Variants in SZT2 observed in about 807,000 individuals in gnomAD.
The protein encoded by SZT2 is KICSTOR complex protein SZT2.
A neutral mutation model predicts 404.2 loss-of-function variants in SZT2; 216 were observed. That is an observed-to-expected ratio of 0.53 (90% CI 0.48 to 0.60). The LOEUF (loss-of-function observed/expected upper bound fraction) is 0.60, where lower values mean the gene tolerates loss of function less well. Among genes scored for constraint, SZT2 ranks in the 20% least tolerant of loss-of-function variants. The pLI is 0.00. For synonymous variants in SZT2, 1,693 were observed against 1,749.9 expected (o/e 0.97, Z 0.81); for missense variants, 3,857 against 4,459.2 (o/e 0.86, Z 3.85).
chr1:43,411,542 G>T (rs1479250284), intron 4 of SZT2, among the ~76,000 whole-genome samples: 1 of 152,166 alleles, frequency 6.6e-6, no homozygotes, highest in Non-Finnish European at 1.5e-5. Flanking sequence ...CCTGGGAAGG[G>T]CTTTAGCCCC....
chr1:43,449,933 G>A (rs570576972), intron 70 of SZT2, 170 bp from the exon 71 acceptor site: 12 of 736,216 alleles, frequency 1.6e-5, no homozygotes, highest in East Asian at 8.1e-5. Context: ...GCAAGCCAGC[G>A]AGGATGAGGA....
intron 65 of SZT2, 108 bp downstream of exon 65, chr1:43,446,524 C>A: frequency 2.2e-6 from 3 of 1,358,978 alleles, no homozygotes; most frequent in Non-Finnish European, 3.1e-6. Context: ...GGCGGGCTGG[C>A]CCAGTGATTG....
intron 52 of SZT2, 130 bp downstream of exon 52, chr1:43,440,716 C>A: frequency 8.0e-7 from 1 of 1,246,704 alleles, no homozygotes; most frequent in Non-Finnish European, 1.1e-6. Context: ...CTGCTCTGTC[C>A]TGCCAGACAC....
intron 46 of SZT2, 145 bp downstream of exon 46, chr1:43,438,047 T>G: frequency 1.3e-6 from 1 of 792,320 alleles, no homozygotes; most frequent in Admixed American, 2.4e-5. Flanking sequence ...GAGCCATAAA[T>G]ACTAGCTGGA....
chr1:43,425,217 G>A lies in SZT2; in HGVS notation c.2645+10G>A, dbSNP rs370352475. On this transcript the variant is annotated intron_variant, in intron 18 of 71. Transcript: ENST00000634258. The surrounding 1 kb of genome is among the most constrained non-coding windows in gnomAD (Gnocchi z 4.3). The stretch of plus-strand genomic sequence containing the variant: ...CCTCCACCAAAGACAGGTGAGACAG[G>A]CCATCTGTGAGGGCCGCCTCTGCAG... 2 of 1,613,912 alleles carry A rather than the reference G, an allele frequency of 1.2e-6. No individual in the cohort carries two copies. Among genetic ancestry groups the A allele is most frequent in the Non-Finnish European group, 8.5e-7 (1 of 1,179,924 alleles).
intron 1 of SZT2, among the ~76,000 whole-genome samples, chr1:43,401,023 G>T (rs1300468457): frequency 2.6e-5 from 4 of 152,140 alleles, no homozygotes; most frequent in Non-Finnish European, 5.9e-5. Context: ...CTGGGCTCAG[G>T]TGATCTTCCC....
At position 43,404,389 on chromosome 1, in the gene SZT2, A is replaced by T. The variant is rs1650047029; in HGVS notation, c.337A>T (p.Thr113Ser). 6.2e-7 allele frequency: 1 copy of T among 1,612,926 alleles called. No individual in the cohort carries two copies. Among genetic ancestry groups the T allele is most frequent in the Admixed American group, 1.7e-5 (1 of 59,940 alleles). ...CTTTCTCTGCCCTCAGGATGATTCC[A>T]CAGGGGAGATCTTGTTTGATGAAGT... ...SPSTGIVDDS[T>S]GEILFDEVFH... The change falls in exon 4 of 72, where the codon ACA becomes TCA. Residue 113 changes from threonine to serine, a missense_variant. By Grantham distance (58) the Thr-to-Ser change is moderately conservative. Around this residue, in one of 7 missense-constraint regions of SZT2, gnomAD observed 536 missense variants for 637.4 expected, o/e 0.84. Transcript: ENST00000634258.
At chr1:43,419,245 G>T (rs995012402) in intron 7 of SZT2, among the ~76,000 whole-genome samples, 1 of 152,208 alleles carries the variant, frequency 6.6e-6, no homozygotes, top group Non-Finnish European at 1.5e-5. Context: ...GGCCCTCAGG[G>T]TATATGTAGT....
chr1:43,427,083 C>G lies in SZT2; in HGVS notation c.3337C>G (p.Pro1113Ala). 1.2e-6 allele frequency: 2 copies of G among 1,613,790 alleles called. No individual in the cohort carries two copies. Among genetic ancestry groups the G allele is most frequent in the Non-Finnish European group, 1.7e-6 (2 of 1,179,902 alleles). ...LSVGLPETLKPLISAQPPQWR... is the reference protein window; with the variant it reads ...LSVGLPETLKALISAQPPQWR... ...TGTAGGTCTTCCTGAAACTCTCAAGCCTCTCATCTCTGCCCAGCCCCCTCA... is the reference window on the plus strand; with the variant it reads ...TGTAGGTCTTCCTGAAACTCTCAAGGCTCTCATCTCTGCCCAGCCCCCTCA... The change falls in exon 24 of 72, where the codon CCT becomes GCT. Residue 1113 changes from proline to alanine, a missense_variant. Around this residue, in one of 7 missense-constraint regions of SZT2, gnomAD observed 1,725 missense variants for 1,881.0 expected, o/e 0.92. Transcript: ENST00000634258.
Position 43,426,261 on chromosome 1 carries a change from G to A in SZT2, c.3044-107G>A. 1.3e-6 allele frequency: 2 copies of A among 1,491,644 alleles called. No individual in the cohort carries two copies. The highest frequency in any genetic ancestry group is 1.8e-6 in the Non-Finnish European group (2 of 1,108,726). The allele number at this position is 1,491,644 out of a possible 1,614,324, so 92.4% of individuals were successfully genotyped here. A position where few individuals can be genotyped will look rare whatever the true frequency, so the allele number is the denominator to read the frequency against. Reference sequence around the variant, plus strand: ...GCAAGTGAGCAGATGAGTGGTGGGGGCAGGAGGAGCCCATGAGGCTGAAGG... The same window carrying A: ...GCAAGTGAGCAGATGAGTGGTGGGGACAGGAGGAGCCCATGAGGCTGAAGG... On this transcript the variant is annotated intron_variant, in intron 21 of 71. Transcript: ENST00000634258. This position sits in a 1 kb window ranked among gnomAD's most constrained non-coding sequence, Gnocchi z 4.9.
intron 14 of SZT2, 73 bp from the exon 15 acceptor site, chr1:43,423,026 T>G: frequency 6.6e-7 from 1 of 1,518,186 alleles, no homozygotes. Flanking sequence ...TGTGTCTCAC[T>G]TTGTCTGTGA....
rs1296772964 is a variant in SZT2 at position 43,420,817 on chromosome 1, A to G, written c.1330A>G (p.Met444Val). The G allele has an allele frequency of 5.6e-6, 9 of 1,598,330 alleles. No homozygotes were observed. Among genetic ancestry groups the G allele is most frequent in the Non-Finnish European group, 7.6e-6 (9 of 1,179,818 alleles). The change falls in exon 10 of 72, where the codon ATG (methionine) becomes GTG (valine). Residue 444 changes from methionine (M) to valine (V), a missense_variant. Met to Val is a conservative substitution (Grantham distance 21). This residue lies in a region of SZT2 where 536 missense variants were observed against 637.4 expected (regional missense o/e 0.84). Coordinates refer to ENST00000634258, the MANE Select transcript of SZT2 (RefSeq NM_001365999.1). The surrounding 1 kb of genome is among the most constrained non-coding windows in gnomAD (Gnocchi z 5.1). ...KHNMRIEYVA[M>V]APWPLEPEGP... is the part of the protein sequence containing the mutation. ...CAACATGCGCATTGAGTATGTGGCT[A>G]TGGCACCCTGGCCCCTGGAGCCTGA...
intron 1 of SZT2, among the ~76,000 whole-genome samples, chr1:43,392,377 A>C (rs1419085889): frequency 1.3e-5 from 2 of 151,978 alleles, no homozygotes; most frequent in Non-Finnish European, 2.9e-5. Flanking sequence ...TTTCAAGTCA[A>C]GACACACAAT....
chr1:43,433,984 A>T (rs1437536236), intron 40 of SZT2, among the ~76,000 whole-genome samples: 1 of 152,206 alleles, frequency 6.6e-6, no homozygotes, highest in Non-Finnish European at 1.5e-5. Flanking sequence ...GGATTCCTGC[A>T]TAGGCATCAG....
Position 43,448,802 on chromosome 1 carries a change from C to A in SZT2, c.10086+74C>A. On this transcript the variant is annotated intron_variant, in intron 70 of 71. Coordinates refer to ENST00000634258, the MANE Select transcript of SZT2 (RefSeq NM_001365999.1). The surrounding 1 kb of genome is among the most constrained non-coding windows in gnomAD (Gnocchi z 4.2). ...TCACCAAACAGATGTGCCCCTCAGC[C>A]TGACCAAACAAGCTCTGCTCTGGAG... is the stretch of plus-strand genomic sequence containing the variant. 1 of 1,407,192 alleles carries A rather than the reference C, an allele frequency of 7.1e-7. No individual in the cohort carries two copies. Among genetic ancestry groups the A allele is most frequent in the Non-Finnish European group, 1.0e-6 (1 of 993,582 alleles). The allele number at this position is 1,407,192 out of a possible 1,614,324, so 87.2% of individuals were successfully genotyped here.
chr1:43,425,361 T>G lies in SZT2; in HGVS notation c.2646-113T>G. On this transcript the variant is annotated intron_variant, in intron 18 of 71. Transcript: ENST00000634258. The surrounding 1 kb of genome is among the most constrained non-coding windows in gnomAD (Gnocchi z 4.3). ...ATGCTTCATCAGGCAGACGCTGGTC[T>G]GGGAAGGCCTTGTATGACTCGTGGC... 6.5e-7 allele frequency: 1 copy of G among 1,529,396 alleles called. No homozygotes were observed. Among genetic ancestry groups the G allele is most frequent in the Non-Finnish European group, 8.9e-7 (1 of 1,119,358 alleles). The allele number at this position is 1,529,396 out of a possible 1,614,324, so 94.7% of individuals were successfully genotyped here. A position where few individuals can be genotyped will look rare whatever the true frequency, so the allele number is the denominator to read the frequency against.
At chr1:43,416,708 ACTTT>A in intron 7 of SZT2, 67 bp downstream of exon 7, 5 of 1,245,738 alleles carry the variant, frequency 4.0e-6, no homozygotes, top group Non-Finnish European at 5.7e-6. Flanking sequence ...ATGGCTGATT[ACTTT>A]CTTACAGGCA....
At chr1:43,398,090 T>A (rs759670904) in intron 1 of SZT2, among the ~76,000 whole-genome samples, 1 of 152,174 alleles carries the variant, frequency 6.6e-6, no homozygotes, top group Non-Finnish European at 1.5e-5. Context: ...TTTTCCTTGG[T>A]TTTTCCTTGC....
chr1:43,393,367 A>G (rs1244943794), intron 1 of SZT2, among the ~76,000 whole-genome samples: 1 of 152,360 alleles, frequency 6.6e-6, no homozygotes, highest in East Asian at 1.9e-4. Context: ...CACTTTTATT[A>G]TCTGTGTTTC....
Sources: gnomAD v4.1 joint callset for allele counts (sites outside exome capture counted in the v4.1 genomes callset) on GRCh38, gnomAD v4.1.1 for gene constraint, gnomAD v4.1.1 regional missense constraint, Gnocchi (gnomAD v3.1) non-coding constraint, MANE v1.5 for transcripts, NCBI Gene and HGNC (gene_info 2026-07-23, HGNC 2026-07-21) for gene names.